INTS6: variants seen among roughly 807,000 people sequenced by gnomAD.
The protein encoded by INTS6 is DEAD box protein.
INTS6 carries 16 observed loss-of-function variants against 104.9 expected under a neutral mutation model. That is an observed-to-expected ratio of 0.15 (90% CI 0.10 to 0.23). The LOEUF (loss-of-function observed/expected upper bound fraction) is 0.23, where lower values mean the gene tolerates loss of function less well. INTS6 is among the 10% of genes least tolerant of loss of function. The pLI, the probability that INTS6 is intolerant of heterozygous loss-of-function variation, is 1.00. For synonymous variants in INTS6, 324 were observed against 358.7 expected, an observed-to-expected ratio of 0.90 and a Z score of 1.09; for missense variants, 584 against 1,062.8, an observed-to-expected ratio of 0.55 and a Z score of 6.26.
At chr13:51,348,072 C>T in the INTS6 span, 17 of 643,946 alleles carry the variant, frequency 2.6e-5, no homozygotes, top group Non-Finnish European at 4.1e-5. Flanking sequence ...AGTCTTTGGC[C>T]TGAAACCGCC....
At chr13:51,407,592 G>A (rs551610748) in intron 4 of INTS6, among the ~76,000 whole-genome samples, 9 of 151,956 alleles carry the variant, frequency 5.9e-5, no homozygotes, top group South Asian at 2.1e-4. Context: ...TATAGAATAC[G>A]GTATGTCCTA....
At chr13:51,343,833 A>C in the INTS6 span, among the ~76,000 whole-genome samples, 1 of 152,214 alleles carries the variant, frequency 6.6e-6, no homozygotes, top group Non-Finnish European at 1.5e-5. Context: ...TCACTGTAAC[A>C]TTGCACATAA....
chr13:51,375,064 T>G (rs569218087), intron 13 of INTS6, among the ~76,000 whole-genome samples: 1 of 152,244 alleles, frequency 6.6e-6, no homozygotes, highest in East Asian at 1.9e-4. Context: ...ACAGAAAGTA[T>G]GTGTGGCCAG....
chr13:51,386,797 G>A (rs925458330), intron 7 of INTS6, among the ~76,000 whole-genome samples: 2 of 151,892 alleles, frequency 1.3e-5, no homozygotes, highest in African/African-American at 4.8e-5. Flanking sequence ...ACACTAACAC[G>A]ACTAAATGGA....
chr13:51,449,711 C>T, intron 3 of INTS6: 1 of 985,164 alleles, frequency 1.0e-6, no homozygotes, highest in Non-Finnish European at 1.2e-6. Flanking sequence ...CTACATATCA[C>T]AAAGGAATAT....
the INTS6 span, among the ~76,000 whole-genome samples, chr13:51,338,246 C>A: frequency 1.3e-5 from 2 of 152,156 alleles, no homozygotes; most frequent in African/African-American, 4.8e-5. Flanking sequence ...AGGCAGCTCA[C>A]AATGTGACAA....
intron 4 of INTS6, among the ~76,000 whole-genome samples, chr13:51,402,118 G>A (rs1210163544): frequency 6.6e-6 from 1 of 151,912 alleles, no homozygotes; most frequent in Non-Finnish European, 1.5e-5. Flanking sequence ...TCTCCCTCTT[G>A]CTTTTCCCTT....
In INTS6 at chr13:51,379,577, A is replaced by G; in HGVS notation, c.1276-5T>C. 6.6e-7 allele frequency: 1 copy of G among 1,509,208 alleles called. No individual in the cohort carries two copies. 93.5% of individuals were successfully genotyped at this position (1,509,208 alleles called of 1,614,324 possible). On this transcript the variant is annotated splice_polypyrimidine_tract_variant and splice_region_variant and intron_variant, in intron 10 of 17. Coordinates refer to ENST00000311234, the MANE Select transcript of INTS6 (RefSeq NM_012141.3). ...CCTAACAGCTTTCTTCAAGGGCTAT[A>G]GGAAAAAAGAAAACATCATTCAATA...
chr13:51,390,365 G>A (rs930345237), intron 5 of INTS6, among the ~76,000 whole-genome samples: 4 of 151,628 alleles, frequency 2.6e-5, no homozygotes, highest in Admixed American at 2.6e-4. Flanking sequence ...AGGATATATT[G>A]ATTTAAATAA....
At chr13:51,411,078 T>A (rs1956676271) in intron 4 of INTS6, among the ~76,000 whole-genome samples, 1 of 151,476 alleles carries the variant, frequency 6.6e-6, no homozygotes, top group African/African-American at 2.4e-5. Flanking sequence ...CTGGGTGTGG[T>A]GGCGGGTGCC....
At position 51,355,200 on chromosome 13, in the gene INTS6, T is replaced by C. The variant is rs545748072; in HGVS notation, n.431-864A>G. On this transcript the variant is annotated intron_variant and non_coding_transcript_variant, in intron 3 of 3. Transcript: ENST00000476666. ...CCGTGTATTTGGGGCAGTTTTATCATACTTTGATTAAGGGATTCTCATTTC... is the reference window on the plus strand; with the variant it reads ...CCGTGTATTTGGGGCAGTTTTATCACACTTTGATTAAGGGATTCTCATTTC... The C allele has an allele frequency of 5.9e-4, 405 of 690,860 alleles. 1 individual carries two copies. The African/African-American group carries it at 7.6e-3, about 13-fold the overall frequency. 42.8% of individuals were successfully genotyped at this position (690,860 alleles called of 1,614,324 possible).
At chr13:51,439,197 T>A (rs993557961) in intron 3 of INTS6, 2 of 152,210 alleles carry the variant, frequency 1.3e-5, no homozygotes, top group African/African-American at 4.8e-5. Context: ...CTAATAAAGT[T>A]TTATAGAAAA....
intron 3 of INTS6, chr13:51,450,492 T>G: frequency 1.0e-6 from 1 of 985,356 alleles, no homozygotes; most frequent in African/African-American, 1.7e-5. Flanking sequence ...CTGCAATAGT[T>G]GTTAACTGTG....
chr13:51,425,427 C>G (rs1956967488), intron 4 of INTS6, among the ~76,000 whole-genome samples: 2 of 152,092 alleles, frequency 1.3e-5, no homozygotes, highest in Non-Finnish European at 2.9e-5. Flanking sequence ...ACTTTGGCTG[C>G]AAATACCTTC....
intron 4 of INTS6, among the ~76,000 whole-genome samples, chr13:51,419,882 A>G (rs1956863451): frequency 6.6e-6 from 1 of 152,334 alleles, no homozygotes; most frequent in South Asian, 2.1e-4. Flanking sequence ...TCTACAAAAC[A>G]GGGTATACAC....
chr13:51,354,988 T>G, intron 3 of INTS6: 2 of 874,762 alleles, frequency 2.3e-6, no homozygotes, highest in Non-Finnish European at 3.7e-6. Context: ...GTGGTGTGTA[T>G]GAAAGTATAT....
rs557939906 is a variant in INTS6, at chr13:51,421,636, A to G, written c.429+8658T>C. On this transcript the variant is annotated intron_variant, in intron 4 of 17. Transcript: ENST00000311234. ...GAAATACAGCTAAATAAGTATTATC[A>G]AGGTATTTATAAATGACTAGCAGCC... 2.0e-5 allele frequency among the ~76,000 whole-genome samples: 3 copies of G among 152,338 alleles called. No individual in the cohort carries two copies. The East Asian group carries it at 5.8e-4, about 29-fold the overall frequency.
rs868429555 is a variant in INTS6, at chr13:51,417,507, T to G, written c.429+12787A>C. Among the ~76,000 whole-genome samples the G allele has an allele frequency of 2.7e-3, 395 of 145,528 alleles. 3 individuals are homozygous for G. The highest frequency in any genetic ancestry group is 4.6e-3 in the Non-Finnish European group (311 of 67,112). ...TCTTGCTCTGTCACCCAGGCTGGAGTGCAATGGCGCGATCTCAGCTCCCTG... is the reference window on the plus strand; with the variant it reads ...TCTTGCTCTGTCACCCAGGCTGGAGGGCAATGGCGCGATCTCAGCTCCCTG... On this transcript the variant is annotated intron_variant, in intron 4 of 17. Coordinates refer to ENST00000311234, the MANE Select transcript of INTS6 (RefSeq NM_012141.3).
chr13:51,394,732 T>C (rs1425754871), intron 5 of INTS6, among the ~76,000 whole-genome samples: 1 of 152,162 alleles, frequency 6.6e-6, no homozygotes, highest in African/African-American at 2.4e-5. Flanking sequence ...ATGAAATTAA[T>C]CCACCTGTTA....
Sources: allele counts gnomAD v4.1 joint callset (sites outside exome capture counted in the v4.1 genomes callset), GRCh38; gene constraint gnomAD v4.1.1; transcripts MANE v1.5; gene names NCBI Gene and HGNC (gene_info 2026-07-23, HGNC 2026-07-21).